ZKSCAN7: variants seen among roughly 807,000 people sequenced by gnomAD.
ZKSCAN7 encodes zinc finger with KRAB and SCAN domains 7.
In ZKSCAN7, 38 loss-of-function variants were observed where a neutral mutation model predicts 65.3. The observed-to-expected ratio is 0.58, with a 90% CI of 0.45 to 0.76. ZKSCAN7 has a LOEUF of 0.76. ZKSCAN7 is among the 30% of genes least tolerant of loss of function. The pLI is 0.00. For synonymous variants in ZKSCAN7, 321 were observed against 321.0 expected (o/e 1.00, Z 0.00); for missense variants, 815 against 913.3 (o/e 0.89, Z 1.39).
chr3:44,578,350 CT>C, intron 5 of ZKSCAN7: 1 of 1,605,614 alleles, frequency 6.2e-7, no homozygotes, highest in South Asian at 1.1e-5. Context: ...CATCCTTGCC[CT>C]GTGCAAGGGG....
At chr3:44,556,132 T>C (rs1003290236) in intron 1 of ZKSCAN7, among the ~76,000 whole-genome samples, 5 of 151,912 alleles carry the variant, frequency 3.3e-5, no homozygotes, top group African/African-American at 1.2e-4. Flanking sequence ...CTAGGGGAGG[T>C]GCATTGAGTA....
At position 44,571,683 on chromosome 3, in the gene ZKSCAN7, A is replaced by G; in HGVS notation, c.*308A>G. ...TCATAATCAGACTCCATGCTTTTTA[A>G]AGACAGAGATAATATCTTCTCTATT... On this transcript the variant is annotated 3_prime_UTR_variant, in exon 6 of 6. Coordinates refer to ENST00000426540, the MANE Select transcript of ZKSCAN7 (RefSeq NM_001288590.2). The G allele has an allele frequency of 8.4e-7, 1 of 1,192,444 alleles. No individual in the cohort carries two copies. Among genetic ancestry groups the G allele is most frequent in the South Asian group, 2.2e-5 (1 of 44,776 alleles). 73.9% of individuals were successfully genotyped at this position (1,192,444 alleles called of 1,614,324 possible). A position where few individuals can be genotyped will look rare whatever the true frequency, so the allele number is the denominator to read the frequency against.
rs1699763187 is a variant in ZKSCAN7 at position 44,570,348 on chromosome 3, G to A, written c.1238G>A (p.Cys413Tyr). Residue 413 changes from cysteine to tyrosine, a missense_variant, in exon 6 of 6, where the codon TGT becomes TAT. Physicochemically the swap from Cys to Tyr is radical, Grantham distance 194 (BLOSUM62 -2). Around this residue, in one of 3 missense-constraint regions of ZKSCAN7, gnomAD observed 578 missense variants for 629.5 expected, o/e 0.92. Transcript: ENST00000426540. ...CACACTGGAGAGAAACCCTATGAGT[G>A]TAATGAGTGTGGGAAGACCTTCAGG... is the stretch of plus-strand genomic sequence containing the variant. ...RIHTGEKPYE[C>Y]NECGKTFRQT... 1 of 1,614,004 alleles carries A rather than the reference G, an allele frequency of 6.2e-7. No individual in the cohort carries two copies. Among genetic ancestry groups the A allele is most frequent in the African/African-American group, 1.3e-5 (1 of 74,888 alleles).
chr3:44,581,426 ACAT>A (rs1249835847), intron 5 of ZKSCAN7, among the ~76,000 whole-genome samples: 2 of 152,214 alleles, frequency 1.3e-5, no homozygotes, highest in African/African-American at 4.8e-5. Flanking sequence ...GTTGTAGCAA[ACAT>A]CATACACCAG....
At position 44,580,526 on chromosome 3, in the gene ZKSCAN7, C is replaced by T. The variant is rs1177695136; in HGVS notation, c.812-2446C>T. On this transcript the variant is annotated intron_variant, in intron 5 of 5. Coordinates refer to the ZKSCAN7 transcript ENST00000341840. ...CCACCTTGGCAGGCCCAGGCTCCTGCGGTGTGGGGGGCTCCACTTTCCATT... is the reference window on the plus strand; with the variant it reads ...CCACCTTGGCAGGCCCAGGCTCCTGTGGTGTGGGGGGCTCCACTTTCCATT... 1.5e-5 allele frequency: 24 copies of T among 1,612,102 alleles called. 1 individual carries two copies. The highest frequency in any genetic ancestry group is 1.7e-4 in the Middle Eastern group (1 of 5,974).
Position 44,570,432 on chromosome 3 carries a change from G to C in ZKSCAN7, c.1322G>C (p.Cys441Ser). The C allele has an allele frequency of 6.2e-7, 1 of 1,614,048 alleles. No homozygotes were observed. The highest frequency in any genetic ancestry group is 8.5e-7 in the Non-Finnish European group (1 of 1,179,962). The part of the protein sequence containing the change: ...RTHTGEKPYE[C>S]SECGKAYRHS... ...CACACAGGGGAAAAACCCTATGAAT[G>C]CAGTGAGTGTGGAAAGGCCTATAGG... The change falls in exon 6 of 6, where the codon TGC (cysteine) becomes TCC (serine). Residue 441 changes from cysteine (C) to serine (S), a missense_variant. Physicochemically the swap from Cys to Ser is moderately radical, Grantham distance 112. Around this residue, in one of 3 missense-constraint regions of ZKSCAN7, gnomAD observed 578 missense variants for 629.5 expected, o/e 0.92. Transcript: ENST00000426540.
Position 44,570,097 on chromosome 3 carries a change from A to G in ZKSCAN7, c.987A>G (p.Glu329=), listed in dbSNP as rs35486794. 1,500 of 1,613,950 alleles carry G rather than the reference A, an allele frequency of 9.3e-4. 12 individuals are homozygous for G. The African/African-American group carries it at 0.017, about 18-fold the overall frequency. ...FKELEGQTSD[E]EGSRLENDFL... ...AGTTAGAAGGACAAACCTCAGATGAAGAAGGGAGCAGACTAGAAAATGATT... is the reference window on the plus strand; with the variant it reads ...AGTTAGAAGGACAAACCTCAGATGAGGAAGGGAGCAGACTAGAAAATGATT... The change falls in exon 6 of 6, where the codon GAA becomes GAG. Residue 329 remains glutamate (E), a synonymous_variant. Transcript: ENST00000426540.
intron 1 of ZKSCAN7, among the ~76,000 whole-genome samples, chr3:44,555,821 C>T (rs1699273655): frequency 6.6e-6 from 1 of 152,130 alleles, no homozygotes; most frequent in African/African-American, 2.4e-5. Context: ...GCACAGATGC[C>T]CTAGTTACCA....
rs2125726868 is a variant in ZKSCAN7 at position 44,572,002 on chromosome 3, A to G, written c.*627A>G. 1.0e-6 allele frequency: 1 copy of G among 986,162 alleles called. No individual in the cohort carries two copies. The highest frequency in any genetic ancestry group is 6.1e-5 in the Admixed American group (1 of 16,440). The allele number at this position is 986,162 out of a possible 1,614,324, so 61.1% of individuals were successfully genotyped here. A position where few individuals can be genotyped will look rare whatever the true frequency, so the allele number is the denominator to read the frequency against. On this transcript the variant is annotated 3_prime_UTR_variant, in exon 6 of 6. Coordinates refer to ENST00000426540, the MANE Select transcript of ZKSCAN7 (RefSeq NM_001288590.2). ...GTGCTTTGAATTCACTGGTGCTACAATATGTAACTGTGGTTAATTGCCTTG... is the reference window on the plus strand; with the variant it reads ...GTGCTTTGAATTCACTGGTGCTACAGTATGTAACTGTGGTTAATTGCCTTG...
chr3:44,566,863 A>G (rs1437460174), intron 3 of ZKSCAN7, among the ~76,000 whole-genome samples: 1 of 151,918 alleles, frequency 6.6e-6, no homozygotes, highest in Non-Finnish European at 1.5e-5. Context: ...ACACACCTGT[A>G]ATCCCAGCAC....
intron 1 of ZKSCAN7, 160 bp downstream of exon 1, chr3:44,555,641 A>AT (rs1281317244): frequency 5.9e-5 from 9 of 152,256 alleles, no homozygotes; most frequent in African/African-American, 1.4e-4. Context: ...TCCAATTGAG[A>AT]TTTTAAAGTG....
chr3:44,562,329 GCTAGGCCCTGGGC>G (rs762839902), intron 2 of ZKSCAN7, among the ~76,000 whole-genome samples: 20 of 152,230 alleles, frequency 1.3e-4, no homozygotes, highest in Non-Finnish European at 2.4e-4. Context: ...GCACAGAGCA[GCTAGGCCCTGGGC>G]CTAGCCCATG....
At chr3:44,578,790 C>T (rs894700462) in intron 5 of ZKSCAN7, among the ~76,000 whole-genome samples, 2 of 152,228 alleles carry the variant, frequency 1.3e-5, no homozygotes, top group Non-Finnish European at 2.9e-5. Context: ...TTCTCTAGCT[C>T]CCGCTGGTGC....
chr3:44,574,794 G>A (rs1699891391), downstream of ZKSCAN7, among the ~76,000 whole-genome samples: 1 of 152,062 alleles, frequency 6.6e-6, no homozygotes, highest in Non-Finnish European at 1.5e-5. Flanking sequence ...GCCAGGTGTG[G>A]TGGCAGGCAC....
chr3:44,557,766 G>A (rs185176334), intron 2 of ZKSCAN7, among the ~76,000 whole-genome samples: 26 of 152,260 alleles, frequency 1.7e-4, no homozygotes, highest in Middle Eastern at 3.4e-3. Context: ...AGAATAGGGC[G>A]ATCGGGGGAA....
At chr3:44,580,215 T>C (rs2125736118) in intron 5 of ZKSCAN7, 2 of 1,612,092 alleles carry the variant, frequency 1.2e-6, no homozygotes, top group Non-Finnish European at 1.7e-6. Context: ...CAAGTCGTGT[T>C]TGGTCTTCTC....
chr3:44,557,618 G>C (rs1699338058), intron 2 of ZKSCAN7, 148 bp downstream of exon 2: 1 of 1,102,336 alleles, frequency 9.1e-7, no homozygotes, highest in African/African-American at 1.6e-5. Context: ...AAATAGTTTT[G>C]TGCTCCAAGC....
intron 2 of ZKSCAN7, among the ~76,000 whole-genome samples, chr3:44,558,674 A>C (rs1002172168): frequency 2.6e-5 from 4 of 152,090 alleles, no homozygotes; most frequent in African/African-American, 9.6e-5. Flanking sequence ...TGCAGTGCAC[A>C]GGTGGAATTT....
At position 44,565,996 on chromosome 3, in the gene ZKSCAN7, T is replaced by C. The variant is rs540987824; in HGVS notation, c.592+341T>C. ...CCTCATAAGATGCACATGAATGATA[T>C]CTATCCTCAAGCATTTGATCCTGTC... On this transcript the variant is annotated intron_variant, in intron 3 of 5. Coordinates refer to ENST00000426540, the MANE Select transcript of ZKSCAN7 (RefSeq NM_001288590.2). Among the ~76,000 whole-genome samples, 4 of 152,324 alleles carry C rather than the reference T, an allele frequency of 2.6e-5. No individual in the cohort carries two copies. The South Asian group carries it at 6.2e-4, about 24-fold the overall frequency.
Sources: gnomAD v4.1 joint callset for allele counts (sites outside exome capture counted in the v4.1 genomes callset) on GRCh38, gnomAD v4.1.1 for gene constraint, gnomAD v4.1.1 regional missense constraint, MANE v1.5 for transcripts, NCBI Gene and HGNC (gene_info 2026-07-23, HGNC 2026-07-21) for gene names.